TONSL: variants seen among roughly 807,000 people sequenced by gnomAD.
TONSL encodes the protein tonsoku-like protein.
A neutral mutation model predicts 147.1 loss-of-function variants in TONSL; 112 were observed. That is an observed-to-expected ratio of 0.76 (90% CI 0.65 to 0.89). TONSL has a LOEUF of 0.89. Among genes scored for constraint, TONSL ranks in the 40% least tolerant of loss-of-function variants. The pLI is 0.00. For synonymous variants in TONSL, 868 were observed against 801.5 expected (o/e 1.08, Z -1.40); for missense variants, 1,883 against 1,864.6 (o/e 1.01, Z -0.18).
intron 14 of TONSL, 29 bp from the exon 15 acceptor site, chr8:144,436,949 C>G (rs773284226): frequency 6.2e-7 from 1 of 1,611,104 alleles, no homozygotes; most frequent in South Asian, 1.1e-5. Flanking sequence ...AAGCCCAGCT[C>G]CCGATGCCCC....
chr8:144,441,097 G>C lies in TONSL; in HGVS notation c.880C>G (p.Arg294Gly). The C allele has an allele frequency of 6.2e-7, 1 of 1,612,780 alleles. No individual in the cohort carries two copies. Among genetic ancestry groups the C allele is most frequent in the Admixed American group, 1.7e-5 (1 of 60,028 alleles). The change falls in exon 8 of 26, where the codon CGG becomes GGG. Residue 294 changes from arginine (R) to glycine (G), a missense_variant. Transcript: ENST00000409379. Reference sequence around the variant, plus strand: ...GCCTCTTCCAGCTGTTGCTGCAGCCGGACCACTGCCAGCACTGCCGGGAAG... The same window carrying C: ...GCCTCTTCCAGCTGTTGCTGCAGCCCGACCACTGCCAGCACTGCCGGGAAG... ...QNLQHVLAVV[R>G]LQQQLEEAEG...
chr8:144,443,837 C>T, intron 3 of TONSL, 45 bp downstream of exon 3: 1 of 1,538,482 alleles, frequency 6.5e-7, no homozygotes, highest in Non-Finnish European at 8.7e-7. Context: ...GAAAAGGGCT[C>T]CAGAGGCCGA....
chr8:144,430,949 C>T (rs559324723), intron 24 of TONSL, 129 bp downstream of exon 24: 14 of 1,106,274 alleles, frequency 1.3e-5, no homozygotes, highest in African/African-American at 7.8e-5. Flanking sequence ...TGGTGGAAAC[C>T]GAAGGAGCCA....
intron 13 of TONSL, among the ~76,000 whole-genome samples, chr8:144,437,502 C>T (rs1332688737): frequency 6.6e-6 from 1 of 152,028 alleles, no homozygotes; most frequent in Non-Finnish European, 1.5e-5. Flanking sequence ...TGAGACCAGC[C>T]AGGCTGGTCT....
rs1823810525 is a variant in TONSL, at chr8:144,443,913, G to A, written c.233C>T (p.Ala78Val). 6.5e-7 allele frequency: 1 copy of A among 1,545,394 alleles called. No individual in the cohort carries two copies. Among genetic ancestry groups the A allele is most frequent in the Middle Eastern group, 1.7e-4 (1 of 5,970 alleles). The stretch of plus-strand genomic sequence containing the variant: ...GGCAGCCGGGTAGTCCTCCATCTCG[G>A]CCAGGCGCTCTCCGATCTTGCGGTG... ...VAHRKIGERL[A>V]EMEDYPAALQ... The change falls in exon 3 of 26, where the codon GCC (alanine) becomes GTC (valine). Residue 78 changes from alanine to valine, a missense_variant. Coordinates refer to ENST00000409379, the MANE Select transcript of TONSL (RefSeq NM_013432.5).
Position 144,434,143 on chromosome 8 carries a change from C to T in TONSL, c.3222G>A (p.Glu1074=), listed in dbSNP as rs781952840. Residue 1074 remains glutamate (E), a synonymous_variant, in exon 21 of 26, where the codon GAG becomes GAA. Coordinates refer to ENST00000409379, the MANE Select transcript of TONSL (RefSeq NM_013432.5). ...RALKLHTALR[E]LRLAGNRLGD... is the part of the protein sequence containing the mutation. ...CCAGCCGGTTCCCTGCCAGGCGCAG[C>T]TCCCGGAGTGCTGTGTGCAGCTTGA... The T allele has an allele frequency of 1.4e-5, 22 of 1,611,514 alleles. No homozygotes were observed. The highest frequency in any genetic ancestry group is 1.3e-4 in the Admixed American group (8 of 59,870).
At chr8:144,439,553 C>A (rs1281980402) in intron 11 of TONSL, among the ~76,000 whole-genome samples, 1 of 152,214 alleles carries the variant, frequency 6.6e-6, no homozygotes, top group Non-Finnish European at 1.5e-5. Flanking sequence ...CCGCTCTCAG[C>A]CCTCTCTCCC....
In TONSL at chr8:144,432,355, T is replaced by A. The variant is rs1554878894; in HGVS notation, c.3665A>T (p.Glu1222Val). 7.4e-6 allele frequency: 12 copies of A among 1,613,404 alleles called. No individual in the cohort carries two copies. Among genetic ancestry groups the A allele is most frequent in the Non-Finnish European group, 1.0e-5 (12 of 1,179,844 alleles). The part of the protein sequence containing the change: ...SLPAGTLLHL[E>V]LSSVAAGKGD... ...CTTGCCGGCTGCCACGGAGCTGAGC[T>A]CTAAGTGCAGGAGGGTGCCGGCGGG... Residue 1222 changes from glutamate to valine, a missense_variant, in exon 23 of 26, where the codon GAG (glutamate) becomes GTG (valine). Physicochemically the swap from Glu to Val is moderately radical, Grantham distance 121. Coordinates refer to ENST00000409379, the MANE Select transcript of TONSL (RefSeq NM_013432.5).
intron 25 of TONSL, among the ~76,000 whole-genome samples, chr8:144,430,115 G>T (rs1486628072): frequency 6.6e-6 from 1 of 152,204 alleles, no homozygotes; most frequent in Admixed American, 6.5e-5. Flanking sequence ...GGGACAAGAA[G>T]AAAGTCCCTG....
Position 144,435,456 on chromosome 8 carries a change from G to A in TONSL, c.2852+18C>T, listed in dbSNP as rs1823404763. The A allele has an allele frequency of 1.3e-6, 2 of 1,530,522 alleles. No individual in the cohort carries two copies. The highest frequency in any genetic ancestry group is 1.8e-6 in the Non-Finnish European group (2 of 1,133,584). 94.8% of individuals were successfully genotyped at this position (1,530,522 alleles called of 1,614,324 possible). A position where few individuals can be genotyped will look rare whatever the true frequency, so the allele number is the denominator to read the frequency against. ...AGCTGCACAGGTGGGCTGCGGGGTA[G>A]GGCAGGCGATGCCTCACCTGTGTGG... is the stretch of plus-strand genomic sequence containing the variant. On this transcript the variant is annotated intron_variant, in intron 18 of 25. Coordinates refer to ENST00000409379, the MANE Select transcript of TONSL (RefSeq NM_013432.5).
Position 144,435,465 on chromosome 8 carries a change from A to G in TONSL, c.2852+9T>C. The G allele has an allele frequency of 6.5e-7, 1 of 1,538,678 alleles. No homozygotes were observed. Among genetic ancestry groups the G allele is most frequent in the Non-Finnish European group, 8.8e-7 (1 of 1,139,230 alleles). On this transcript the variant is annotated intron_variant, in intron 18 of 25. Coordinates refer to ENST00000409379, the MANE Select transcript of TONSL (RefSeq NM_013432.5). ...GGTGGGCTGCGGGGTAGGGCAGGCG[A>G]TGCCTCACCTGTGTGGGACAGGGAT... is the stretch of plus-strand genomic sequence containing the variant.
At chr8:144,443,351 G>C in intron 3 of TONSL, 30 bp from the exon 4 acceptor site, 2 of 1,534,216 alleles carry the variant, frequency 1.3e-6, no homozygotes, top group East Asian at 2.5e-5. Context: ...ACTGCTGTGA[G>C]CCGACTCCGC....
At chr8:144,440,593 G>A in intron 9 of TONSL, 117 bp from the exon 10 acceptor site, 3 of 1,522,908 alleles carry the variant, frequency 2.0e-6, no homozygotes, top group Non-Finnish European at 1.8e-6. Context: ...GCTGCCGAGG[G>A]TGGATGGTCC....
At chr8:144,432,674 G>A (rs959060965) in intron 22 of TONSL, 2 of 479,538 alleles carry the variant, frequency 4.2e-6, no homozygotes, top group Non-Finnish European at 7.2e-6. Context: ...CCCAGTTCTG[G>A]ACAACTTGCC....
chr8:144,439,002 C>A (rs1018890100), intron 11 of TONSL, among the ~76,000 whole-genome samples: 2 of 152,134 alleles, frequency 1.3e-5, no homozygotes, highest in Non-Finnish European at 2.9e-5. Context: ...CTAACCCACG[C>A]CTGGCCCTCC....
chr8:144,442,954 G>C (rs1171838637), intron 4 of TONSL, 148 bp from the exon 5 acceptor site: 2 of 1,266,450 alleles, frequency 1.6e-6, no homozygotes, highest in Non-Finnish European at 2.1e-6. Flanking sequence ...ATGGAGCACA[G>C]AGTGGATAAA....
intron 4 of TONSL, 78 bp downstream of exon 4, chr8:144,443,060 G>A (rs760477): frequency 0.46 from 678,668 of 1,474,222 alleles, 159,132 homozygotes; most frequent in South Asian, 0.57. Context: ...GATTGCCCAA[G>A]GAGGCTGCGG....
chr8:144,434,928 G>C (rs200518208), intron 19 of TONSL, 39 bp from the exon 20 acceptor site: 1 of 1,612,292 alleles, frequency 6.2e-7, no homozygotes, highest in Admixed American at 1.7e-5. Flanking sequence ...GGGCTCCCCC[G>C]GCTCACCTCA....
chr8:144,434,392 C>T, intron 20 of TONSL, 113 bp from the exon 21 acceptor site: 2 of 964,302 alleles, frequency 2.1e-6, no homozygotes, highest in Non-Finnish European at 2.9e-6. Flanking sequence ...ACCCACCAGA[C>T]TTGCTGTAGA....
Sources: allele counts gnomAD v4.1 joint callset (sites outside exome capture counted in the v4.1 genomes callset), GRCh38; gene constraint gnomAD v4.1.1; transcripts MANE v1.5; gene names NCBI Gene and HGNC (gene_info 2026-07-23, HGNC 2026-07-21).